CSMD2: variants seen among roughly 807,000 people sequenced by gnomAD.
CSMD2 encodes CUB and Sushi multiple domains 2.
CSMD2 carries 130 observed loss-of-function variants against 398.5 expected under a neutral mutation model. The ratio of observed to expected loss-of-function variants is 0.33; its 90% confidence interval spans 0.28 to 0.38. The LOEUF (loss-of-function observed/expected upper bound fraction) is 0.38, where lower values mean the gene tolerates loss of function less well. CSMD2 is among the 10% of genes least tolerant of loss of function. The pLI is 1.00. For missense variants in CSMD2, 3,829 were observed against 4,764.9 expected (o/e 0.80, Z 5.78); for synonymous variants, 1,828 against 1,908.5 (o/e 0.96, Z 1.10).
intron 5 of CSMD2, chr1:33,885,203 C>T (rs914875270): frequency 2.0e-5 from 3 of 152,148 alleles, no homozygotes; most frequent in Non-Finnish European, 2.9e-5. Context: ...TGTTTGACTT[C>T]CGAGACATAT....
Position 33,810,942 on chromosome 1 carries a change from G to C in CSMD2, c.1325-78C>G, listed in dbSNP as rs969803583. The C allele has an allele frequency of 4.6e-6, 7 of 1,511,104 alleles. No homozygotes were observed. The African/African-American group carries it at 9.8e-5, about 21-fold the overall frequency. The allele number at this position is 1,511,104 out of a possible 1,614,324, so 93.6% of individuals were successfully genotyped here. A position where few individuals can be genotyped will look rare whatever the true frequency, so the allele number is the denominator to read the frequency against. ...CTTCTTGCCTCCCACTCCCCACCCA[G>C]AAGACACTGCATCTGTACAGTTCCC... On this transcript the variant is annotated intron_variant, in intron 9 of 70. Coordinates refer to ENST00000373381, the MANE Select transcript of CSMD2 (RefSeq NM_001281956.2).
chr1:33,665,183 A>T (rs1476459813), intron 25 of CSMD2, among the ~76,000 whole-genome samples: 1 of 152,000 alleles, frequency 6.6e-6, no homozygotes, highest in Non-Finnish European at 1.5e-5. Flanking sequence ...TATTTACCTT[A>T]TATTTTTGAT....
chr1:33,838,682 TATG>T (rs1231063341), intron 6 of CSMD2: 3 of 152,268 alleles, frequency 2.0e-5, no homozygotes, highest in African/African-American at 7.2e-5. Flanking sequence ...TAGCCATTAC[TATG>T]ATGCCAAAGG....
At chr1:33,811,265 C>CCTGT (rs1656838426) in intron 9 of CSMD2, among the ~76,000 whole-genome samples, 1 of 152,302 alleles carries the variant, frequency 6.6e-6, no homozygotes, top group African/African-American at 2.4e-5. Context: ...ACTCTGCTGA[C>CCTGT]CTGTCTGTTT....
intron 2 of CSMD2, among the ~76,000 whole-genome samples, chr1:34,070,399 G>A (rs1490238470): frequency 6.6e-6 from 1 of 152,190 alleles, no homozygotes; most frequent in Non-Finnish European, 1.5e-5. Context: ...ACAGGCTCCT[G>A]TGGCTGGAGG....
chr1:33,660,408 C>T (rs1204856651), intron 26 of CSMD2, among the ~76,000 whole-genome samples: 1 of 152,116 alleles, frequency 6.6e-6, no homozygotes, highest in East Asian at 1.9e-4. Context: ...AGGCTGGATC[C>T]ACGTGGTACA....
intron 14 of CSMD2, among the ~76,000 whole-genome samples, chr1:33,742,489 C>T (rs1392815630): frequency 6.6e-6 from 1 of 152,042 alleles, no homozygotes; most frequent in Non-Finnish European, 1.5e-5. Context: ...TGTCATCAGC[C>T]AAGTCCACTG....
intron 1 of CSMD2, among the ~76,000 whole-genome samples, chr1:34,105,664 C>T (rs1660461926): frequency 6.6e-6 from 1 of 152,110 alleles, no homozygotes; most frequent in African/African-American, 2.4e-5. Flanking sequence ...AGGAAATCAG[C>T]TAGATTGAAA....
intron 70 of CSMD2, among the ~76,000 whole-genome samples, chr1:33,517,991 G>A (rs1653917153): frequency 6.6e-6 from 1 of 152,254 alleles, no homozygotes; most frequent in South Asian, 2.1e-4. Flanking sequence ...GTGTGTGGCT[G>A]GGAGAATCTG....
intron 5 of CSMD2, among the ~76,000 whole-genome samples, chr1:33,852,288 G>T (rs1638766981): frequency 6.6e-6 from 1 of 152,144 alleles, no homozygotes; most frequent in Non-Finnish European, 1.5e-5. Flanking sequence ...ATACTTTGTG[G>T]GGAATTTTGA....
Position 33,533,979 on chromosome 1 carries a change from T to C in CSMD2, c.9880-72A>G. 1 of 906,176 alleles carries C rather than the reference T, an allele frequency of 1.1e-6. No individual in the cohort carries two copies. Among genetic ancestry groups the C allele is most frequent in the Non-Finnish European group, 1.8e-6 (1 of 555,310 alleles). The allele number at this position is 906,176 out of a possible 1,614,324, so 56.1% of individuals were successfully genotyped here. A position where few individuals can be genotyped will look rare whatever the true frequency, so the allele number is the denominator to read the frequency against. On this transcript the variant is annotated intron_variant, in intron 62 of 70. Coordinates refer to ENST00000373381, the MANE Select transcript of CSMD2 (RefSeq NM_001281956.2). This position sits in a 1 kb window ranked among gnomAD's most constrained non-coding sequence, Gnocchi z 4.2. ...CTTCCTACGTCTGTCCCTTGACCAC[T>C]TTCACATGGCCCAACTCCTCCCGCA...
intron 27 of CSMD2, among the ~76,000 whole-genome samples, 175 bp from the exon 28 acceptor site, chr1:33,652,636 A>G (rs1214752484): frequency 6.6e-6 from 1 of 152,184 alleles, no homozygotes; most frequent in Non-Finnish European, 1.5e-5. Flanking sequence ...GAGGGTGGGA[A>G]TATTTCAGAG....
At position 33,600,852 on chromosome 1, in the gene CSMD2, C is replaced by T; in HGVS notation, c.6856+13G>A. 1 of 1,614,122 alleles carries T rather than the reference C, an allele frequency of 6.2e-7. No homozygotes were observed. On this transcript the variant is annotated intron_variant, in intron 44 of 70. Transcript: ENST00000373381. ...GCCTGGCCCTTCCCACCAGGCCAGG[C>T]TTCCATACTGACCGGAGAAAGCTAT...
chr1:33,850,152 C>G (rs975168601), intron 5 of CSMD2, among the ~76,000 whole-genome samples: 2 of 152,140 alleles, frequency 1.3e-5, no homozygotes, highest in African/African-American at 4.8e-5. Context: ...TCCTCCAAGG[C>G]TTTGAACAAA....
intron 48 of CSMD2, among the ~76,000 whole-genome samples, chr1:33,580,082 C>A (rs1347425368): frequency 6.6e-6 from 1 of 152,078 alleles, no homozygotes; most frequent in African/African-American, 2.4e-5. Flanking sequence ...GTGATGGAAC[C>A]CCCCATGGTC....
chr1:33,751,466 G>A (rs1648234066), intron 13 of CSMD2, among the ~76,000 whole-genome samples: 2 of 152,190 alleles, frequency 1.3e-5, no homozygotes, highest in South Asian at 2.1e-4. Flanking sequence ...TTTCAGAGAC[G>A]TGGTGGACTC....
At chr1:33,762,513 C>T (rs566257357) in intron 13 of CSMD2, among the ~76,000 whole-genome samples, 1 of 151,938 alleles carries the variant, frequency 6.6e-6, no homozygotes, top group African/African-American at 2.4e-5. Flanking sequence ...TAGCTGTGGT[C>T]CTAATATACC....
intron 44 of CSMD2, among the ~76,000 whole-genome samples, chr1:33,591,470 G>A (rs1481563978): frequency 6.6e-6 from 1 of 152,204 alleles, no homozygotes; most frequent in Non-Finnish European, 1.5e-5. Flanking sequence ...ATCACAAGGA[G>A]TGGTGAGTGT....
rs573706769 is a variant in CSMD2 at position 33,582,795 on chromosome 1, G to A, written c.7240+847C>T. ...TCACAGTACACACTTAACAAAGTAGGAGCCTCAATTGTAGCAGCTGTGTGA... is the reference window on the plus strand; with the variant it reads ...TCACAGTACACACTTAACAAAGTAGAAGCCTCAATTGTAGCAGCTGTGTGA... On this transcript the variant is annotated intron_variant, in intron 47 of 70. Transcript: ENST00000373381. Among the ~76,000 whole-genome samples the A allele has an allele frequency of 4.6e-5, 7 of 152,284 alleles. No individual in the cohort carries two copies. In the South Asian group the frequency reaches 1.5e-3, roughly 32 times the overall value.
Sources: allele counts gnomAD v4.1 joint callset (sites outside exome capture counted in the v4.1 genomes callset), GRCh38; gene constraint gnomAD v4.1.1; non-coding constraint Gnocchi (gnomAD v3.1); transcripts MANE v1.5; gene names NCBI Gene and HGNC (gene_info 2026-07-23, HGNC 2026-07-21).